Variants in TXLNA observed in about 807,000 individuals in gnomAD.
TXLNA encodes taxilin alpha.
TXLNA carries 9 observed loss-of-function variants against 61.4 expected under a neutral mutation model. That is an observed-to-expected ratio of 0.15 (90% CI 0.09 to 0.26). The LOEUF (loss-of-function observed/expected upper bound fraction) is 0.26, where lower values mean the gene tolerates loss of function less well. Among genes scored for constraint, TXLNA ranks in the 10% least tolerant of loss-of-function variants. The probability of loss-of-function intolerance (pLI) is 1.00; values close to 1 mark genes in which losing one functional copy is unlikely to be tolerated. For missense variants in TXLNA, 565 were observed against 688.8 expected, an observed-to-expected ratio of 0.82 and a Z score of 2.01; for synonymous variants, 257 against 267.7, an observed-to-expected ratio of 0.96 and a Z score of 0.39.
intron 9 of TXLNA, 149 bp from the exon 10 acceptor site, chr1:32,193,916 C>T: frequency 1.7e-6 from 1 of 588,968 alleles, no homozygotes; most frequent in South Asian, 1.9e-5. Flanking sequence ...TGAGGTGGCA[C>T]AGAGGGCATT....
chr1:32,192,818 G>A lies in TXLNA; in HGVS notation c.1158+87G>A. 3.6e-6 allele frequency: 5 copies of A among 1,390,014 alleles called. No homozygotes were observed. Among genetic ancestry groups the A allele is most frequent in the Non-Finnish European group, 5.1e-6 (5 of 982,530 alleles). The allele number at this position is 1,390,014 out of a possible 1,614,324, so 86.1% of individuals were successfully genotyped here. On this transcript the variant is annotated intron_variant, in intron 8 of 10. Coordinates refer to ENST00000373610, the MANE Select transcript of TXLNA (RefSeq NM_175852.4). This position sits in a 1 kb window ranked among gnomAD's most constrained non-coding sequence, Gnocchi z 4.2. ...GTAGTGAAATGGGACCCTCATTCTA[G>A]GACTGGCTGTGTCCTGGCTGCTATG... is the stretch of plus-strand genomic sequence containing the variant.
chr1:32,180,402 C>A lies in TXLNA; in HGVS notation c.57C>A (p.Ser19Arg). 6.2e-7 allele frequency: 1 copy of A among 1,614,020 alleles called. No individual in the cohort carries two copies. Among genetic ancestry groups the A allele is most frequent in the Non-Finnish European group, 8.5e-7 (1 of 1,179,934 alleles). ...GAAKQSNPKS[S>R]PGQPEAGPEG... The stretch of plus-strand genomic sequence containing the variant: ...CCAAACAATCCAATCCAAAAAGCAG[C>A]CCAGGACAACCGGAAGCAGGACCCG... The change falls in exon 2 of 11, where the codon AGC becomes AGA. Residue 19 changes from serine (S) to arginine (R), a missense_variant. Physicochemically the swap from Ser to Arg is moderately radical, Grantham distance 110. Coordinates refer to ENST00000373610, the MANE Select transcript of TXLNA (RefSeq NM_175852.4).
chr1:32,193,557 T>TTGTTGTTG (rs1642951943), intron 9 of TXLNA, among the ~76,000 whole-genome samples: 1 of 150,514 alleles, frequency 6.6e-6, no homozygotes, highest in African/African-American at 2.5e-5. Flanking sequence ...GTTGTTGTTG[T>TTGTTGTTG]TTGAGATGGA....
chr1:32,187,730 C>T (rs1642817363), intron 4 of TXLNA, among the ~76,000 whole-genome samples: 1 of 152,152 alleles, frequency 6.6e-6, no homozygotes, highest in Non-Finnish European at 1.5e-5. Flanking sequence ...CCTGCTTGCC[C>T]TAGTGAGTTA....
At chr1:32,188,244 T>TA (rs1642829193) in intron 5 of TXLNA, 120 bp downstream of exon 5, 4 of 1,055,628 alleles carry the variant, frequency 3.8e-6, no homozygotes, top group South Asian at 3.9e-5. Flanking sequence ...GTGGCACACA[T>TA]AAGTGATTAA....
chr1:32,189,934 T>G lies in TXLNA; in HGVS notation c.769-121T>G, dbSNP rs539971958. 5 of 1,014,426 alleles carry G rather than the reference T, an allele frequency of 4.9e-6. No individual in the cohort carries two copies. In the Admixed American group the frequency reaches 1.2e-4, roughly 25 times the overall value. The allele number at this position is 1,014,426 out of a possible 1,614,324, so 62.8% of individuals were successfully genotyped here. A position where few individuals can be genotyped will look rare whatever the true frequency, so the allele number is the denominator to read the frequency against. ...ACCCGCATTGCACAACATCCTGGAG[T>G]CTGGCTACTCCACGCTTTGGGAGCA... On this transcript the variant is annotated intron_variant, in intron 5 of 10. Transcript: ENST00000373610.
chr1:32,191,093 CA>C (rs1159645218), intron 6 of TXLNA, among the ~76,000 whole-genome samples: 155 of 58,688 alleles, frequency 2.6e-3, no homozygotes, highest in East Asian at 0.015. Context: ...GACTCCATCT[CA>C]AAAAAAAAAA....
chr1:32,181,639 C>G, intron 3 of TXLNA, 62 bp downstream of exon 3: 1 of 1,371,744 alleles, frequency 7.3e-7, no homozygotes, highest in Non-Finnish European at 9.8e-7. Flanking sequence ...TTGACGTTCT[C>G]TGGGCCAGTC....
chr1:32,192,043 G>C lies in TXLNA; in HGVS notation c.964-268G>C, dbSNP rs567296708. Among the ~76,000 whole-genome samples, 1 of 152,374 alleles carries C rather than the reference G, an allele frequency of 6.6e-6. No homozygotes were observed. Among genetic ancestry groups the C allele is most frequent in the South Asian group, 2.1e-4 (1 of 4,830 alleles). The stretch of plus-strand genomic sequence containing the variant: ...TGATCAATCCTGGGGTCAGAGATTT[G>C]AGTGTGTTTATTGCTTGCCTTCTTG... On this transcript the variant is annotated intron_variant, in intron 6 of 10. Coordinates refer to ENST00000373610, the MANE Select transcript of TXLNA (RefSeq NM_175852.4). The surrounding 1 kb of genome is among the most constrained non-coding windows in gnomAD (Gnocchi z 4.2).
At position 32,185,905 on chromosome 1, in the gene TXLNA, G is replaced by A. The variant is rs917860541; in HGVS notation, c.597+1289G>A. 8.2e-5 allele frequency among the ~76,000 whole-genome samples: 10 copies of A among 122,664 alleles called. No individual in the cohort carries two copies. In the South Asian group the frequency reaches 2.1e-3, roughly 26 times the overall value. The allele number at this position is 122,664 out of a possible 152,430, so 80.5% of individuals were successfully genotyped here. On this transcript the variant is annotated intron_variant, in intron 4 of 10. Coordinates refer to ENST00000373610, the MANE Select transcript of TXLNA (RefSeq NM_175852.4). ...AGTAGAGACAGAGTTTCAGTATGTTGGCCAGGATGGTCTTGATCTCTTGGC... is the reference window on the plus strand; with the variant it reads ...AGTAGAGACAGAGTTTCAGTATGTTAGCCAGGATGGTCTTGATCTCTTGGC...
intron 4 of TXLNA, among the ~76,000 whole-genome samples, chr1:32,185,801 C>A (rs543427272): frequency 5.7e-4 from 87 of 151,860 alleles, no homozygotes; most frequent in African/African-American, 2.1e-3. Context: ...CAGGTTCAAG[C>A]GAGTCTCCTG....
At position 32,181,438 on chromosome 1, in the gene TXLNA, G is replaced by A; in HGVS notation, c.366G>A (p.Glu122=). Residue 122 remains glutamate, a synonymous_variant, in exon 3 of 11, where the codon GAG becomes GAA. Coordinates refer to ENST00000373610, the MANE Select transcript of TXLNA (RefSeq NM_175852.4). ...GGACCTATGTGGCAAGGAATGGGGA[G>A]CCTGAACCAACTCCAGTAGTCAATG... ...KSRTYVARNG[E]PEPTPVVNGE... 6.2e-7 allele frequency: 1 copy of A among 1,614,208 alleles called. No individual in the cohort carries two copies. The highest frequency in any genetic ancestry group is 8.5e-7 in the Non-Finnish European group (1 of 1,180,036).
intron 3 of TXLNA, 103 bp from the exon 4 acceptor site, chr1:32,184,422 A>C: frequency 1.3e-6 from 1 of 751,388 alleles, no homozygotes. Flanking sequence ...CAAAATATAA[A>C]GTATGATGGG....
intron 2 of TXLNA, 136 bp downstream of exon 2, chr1:32,180,650 GTC>G: frequency 8.5e-7 from 1 of 1,170,472 alleles, no homozygotes; most frequent in Non-Finnish European, 1.2e-6. Context: ...GGGGGCCGCG[GTC>G]CCCCCTGCGC....
At chr1:32,184,709 C>A in intron 4 of TXLNA, 93 bp downstream of exon 4, 2 of 781,186 alleles carry the variant, frequency 2.6e-6, no homozygotes, top group Non-Finnish European at 4.3e-6. Context: ...AAGTAGGTGG[C>A]TTAATTCCTG....
intron 5 of TXLNA, among the ~76,000 whole-genome samples, chr1:32,189,705 G>A (rs552209112): frequency 1.3e-5 from 2 of 151,960 alleles, no homozygotes; most frequent in Non-Finnish European, 2.9e-5. Flanking sequence ...CCATCACGCC[G>A]GCTAATTTTT....
chr1:32,180,248 G>A, intron 1 of TXLNA, 66 bp from the exon 2 acceptor site: 2 of 1,438,604 alleles, frequency 1.4e-6, no homozygotes, highest in Non-Finnish European at 1.9e-6. Flanking sequence ...CTGCTGTGGG[G>A]ATTTCTGATC....
intron 4 of TXLNA, among the ~76,000 whole-genome samples, chr1:32,184,943 AAACT>A (rs1642748983): frequency 6.6e-6 from 1 of 152,226 alleles, no homozygotes; most frequent in Admixed American, 6.5e-5. Flanking sequence ...ACAGTTAATA[AAACT>A]AACACTAGTC....
At chr1:32,190,953 G>GGAGAAGGGAGACCTGCAGCCCCCT (rs1642892665) in intron 6 of TXLNA, among the ~76,000 whole-genome samples, 1 of 152,134 alleles carries the variant, frequency 6.6e-6, no homozygotes, top group Non-Finnish European at 1.5e-5. Flanking sequence ...AATTAGCCAG[G>GGAGAAGGGAGACCTGCAGCCCCCT]TGTGGTGGTG....
Sources: allele counts gnomAD v4.1 joint callset (sites outside exome capture counted in the v4.1 genomes callset), GRCh38; gene constraint gnomAD v4.1.1; non-coding constraint Gnocchi (gnomAD v3.1); transcripts MANE v1.5; gene names NCBI Gene and HGNC (gene_info 2026-07-23, HGNC 2026-07-21).